The following AUTS2 variants were observed in gnomAD, a reference collection of about 807,000 sequenced individuals.
AUTS2 encodes autism susceptibility gene 2 protein.
In AUTS2, 17 loss-of-function variants were observed where a neutral mutation model predicts 112.4. The ratio of observed to expected loss-of-function variants is 0.15; its 90% CI spans 0.10 to 0.23. The LOEUF (loss-of-function observed/expected upper bound fraction) is 0.23, where lower values mean the gene tolerates loss of function less well. Ranked by LOEUF, AUTS2 falls within the 10% of genes least tolerant of loss-of-function variation. AUTS2 has a pLI of 1.00. For missense variants in AUTS2, 1,510 were observed against 1,701.6 expected (o/e 0.89, Z 1.98); for synonymous variants, 751 against 702.7 (o/e 1.07, Z -1.09).
chr7:70,423,669 C>T (rs1795314145), intron 4 of AUTS2, among the ~76,000 whole-genome samples: 1 of 152,152 alleles, frequency 6.6e-6, no homozygotes, highest in South Asian at 2.1e-4. Context: ...AGAAACACTT[C>T]AAAATTTCAG....
rs147352112 is a variant in AUTS2, at chr7:69,672,305, C to G, written c.309+72343C>G. 7.2e-3 allele frequency among the ~76,000 whole-genome samples: 1,091 copies of G among 152,172 alleles called. 17 individuals carry two copies. The highest frequency in any genetic ancestry group is 0.025 in the African/African-American group (1,017 of 41,508). On this transcript the variant is annotated intron_variant, in intron 1 of 18. Transcript: ENST00000342771. ...AACTCCCGACCTCAGGTGATCCACC[C>G]GCCTCAGCCTCCCAAAGTGTTGGGA...
At chr7:70,290,258 T>G in intron 4 of AUTS2, 1 of 1,171,906 alleles carries the variant, frequency 8.5e-7, no homozygotes, top group South Asian at 2.2e-5. Flanking sequence ...ATTTCCCAAT[T>G]TTATAAAACA....
intron 1 of AUTS2, among the ~76,000 whole-genome samples, chr7:69,660,023 C>G (rs1307004416): frequency 6.6e-6 from 1 of 152,176 alleles, no homozygotes; most frequent in Admixed American, 6.5e-5. Context: ...AACCTCCACC[C>G]TACTGAAAAA....
At chr7:70,603,075 G>A (rs960894197) in intron 5 of AUTS2, among the ~76,000 whole-genome samples, 3 of 152,084 alleles carry the variant, frequency 2.0e-5, no homozygotes, top group African/African-American at 4.8e-5. Flanking sequence ...TTATATCTAC[G>A]TAGAAGATTT....
intron 4 of AUTS2, among the ~76,000 whole-genome samples, chr7:70,231,271 G>T (rs1234752224): frequency 6.6e-6 from 1 of 152,118 alleles, no homozygotes; most frequent in Non-Finnish European, 1.5e-5. Flanking sequence ...TACAGCTAAA[G>T]ATTTCTTACA....
chr7:70,358,619 G>A (rs962330185), intron 4 of AUTS2, among the ~76,000 whole-genome samples: 8 of 152,216 alleles, frequency 5.3e-5, no homozygotes, highest in African/African-American at 1.9e-4. Flanking sequence ...CATCTGGGAA[G>A]AGGAGTCCTG....
intron 4 of AUTS2, among the ~76,000 whole-genome samples, chr7:70,168,978 C>G (rs1325763619): frequency 6.6e-6 from 1 of 151,912 alleles, no homozygotes; most frequent in African/African-American, 2.4e-5. Flanking sequence ...GTTTGCAGTC[C>G]TGGTAAGCTG....
chr7:69,944,556 C>T (rs904902439), intron 2 of AUTS2, among the ~76,000 whole-genome samples: 10 of 152,188 alleles, frequency 6.6e-5, no homozygotes, highest in East Asian at 1.9e-4. Flanking sequence ...CTATAGTAAC[C>T]GAGTTACAAA....
intron 4 of AUTS2, among the ~76,000 whole-genome samples, chr7:70,163,785 T>C (rs1187023784): frequency 1.3e-5 from 2 of 152,166 alleles, no homozygotes; most frequent in Non-Finnish European, 2.9e-5. Context: ...TTGTATTTCA[T>C]ACCCTGAACT....
At chr7:70,590,965 C>G (rs1039216594) in intron 5 of AUTS2, among the ~76,000 whole-genome samples, 6 of 152,198 alleles carry the variant, frequency 3.9e-5, no homozygotes, top group Admixed American at 3.3e-4. Flanking sequence ...TTATTTAACT[C>G]TCTCCAGAGT....
At chr7:70,719,853 C>T (rs1000699974) in intron 6 of AUTS2, among the ~76,000 whole-genome samples, 2 of 152,178 alleles carry the variant, frequency 1.3e-5, no homozygotes, top group Admixed American at 6.5e-5. Flanking sequence ...TTTGTTTCTG[C>T]TGATTTTTCT....
chr7:70,609,463 C>T (rs1178708541), intron 5 of AUTS2, among the ~76,000 whole-genome samples: 5 of 146,066 alleles, frequency 3.4e-5, no homozygotes, highest in South Asian at 2.2e-4. Context: ...GGTGTGATCT[C>T]GGCTTACTGC....
intron 4 of AUTS2, among the ~76,000 whole-genome samples, chr7:70,362,363 C>T (rs553214504): frequency 6.6e-6 from 1 of 152,082 alleles, no homozygotes; most frequent in South Asian, 2.1e-4. Flanking sequence ...CCAGACTGTT[C>T]TTCCCTGTCA....
chr7:69,892,483 T>G (rs1450021922), intron 1 of AUTS2, among the ~76,000 whole-genome samples: 1 of 152,182 alleles, frequency 6.6e-6, no homozygotes, highest in African/African-American at 2.4e-5. Context: ...ATACAAAACT[T>G]ATCAGATACA....
At position 70,385,654 on chromosome 7, in the gene AUTS2, T is replaced by C. The variant is rs1793575002; in HGVS notation, c.661-50098T>C. ...TGGGGGCTAAGGTGGGAAGATCGCTTGAGCCCAGGAGTTGGAGGCTGCAGT... is the reference window on the plus strand; with the variant it reads ...TGGGGGCTAAGGTGGGAAGATCGCTCGAGCCCAGGAGTTGGAGGCTGCAGT... On this transcript the variant is annotated intron_variant, in intron 4 of 18. Transcript: ENST00000342771. Among the ~76,000 whole-genome samples, 3 of 152,334 alleles carry C rather than the reference T, an allele frequency of 2.0e-5. No individual in the cohort carries two copies. The South Asian group carries it at 6.2e-4, about 32-fold the overall frequency.
chr7:70,500,431 TGGAGA>T (rs982977974), intron 5 of AUTS2, among the ~76,000 whole-genome samples: 1 of 152,126 alleles, frequency 6.6e-6, no homozygotes, highest in Non-Finnish European at 1.5e-5. Context: ...GAGCACCACA[TGGAGA>T]ATGTGGAAAG....
intron 1 of AUTS2, among the ~76,000 whole-genome samples, chr7:69,610,000 A>C (rs1318916222): frequency 1.3e-5 from 2 of 152,264 alleles, no homozygotes; most frequent in Non-Finnish European, 2.9e-5. Context: ...GGGGGCAGTC[A>C]GCCAAATATG....
At chr7:70,426,365 G>A (rs915018580) in intron 4 of AUTS2, among the ~76,000 whole-genome samples, 1 of 152,170 alleles carries the variant, frequency 6.6e-6, no homozygotes, top group African/African-American at 2.4e-5. Flanking sequence ...TTCTAAACGA[G>A]GACGGTTGCT....
intron 1 of AUTS2, among the ~76,000 whole-genome samples, chr7:69,649,982 T>C (rs771357448): frequency 7.2e-5 from 11 of 152,208 alleles, no homozygotes; most frequent in Non-Finnish European, 1.3e-4. Flanking sequence ...CACACAGTCT[T>C]ATGCAGCAGC....
Sources: allele counts gnomAD v4.1 joint callset (sites outside exome capture counted in the v4.1 genomes callset), GRCh38; gene constraint gnomAD v4.1.1; transcripts MANE v1.5; gene names NCBI Gene and HGNC (gene_info 2026-07-23, HGNC 2026-07-21).